FIGN: variants seen among roughly 807,000 people sequenced by gnomAD.
FIGN encodes fidgetin.
FIGN carries 11 observed loss-of-function variants against 51.3 expected under a neutral mutation model. The observed-to-expected ratio is 0.21, with a 90% CI of 0.13 to 0.35. The LOEUF (loss-of-function observed/expected upper bound fraction) is 0.35, where lower values mean the gene tolerates loss of function less well. Ranked by LOEUF, FIGN falls within the 10% of genes least tolerant of loss-of-function variation. FIGN has a pLI of 1.00. For missense variants in FIGN, 857 were observed against 943.6 expected (o/e 0.91, Z 1.20); for synonymous variants, 407 against 363.2 (o/e 1.12, Z -1.37).
At chr2:163,681,362 C>A (rs972564306) in intron 2 of FIGN, among the ~76,000 whole-genome samples, 1 of 152,226 alleles carries the variant, frequency 6.6e-6, no homozygotes, top group South Asian at 2.1e-4. Flanking sequence ...AATGACACCA[C>A]AACTTTTCTC....
rs1691112293 is a variant in FIGN at position 163,606,375 on chromosome 2, C to T, written c.*3177G>A. ...GTGGTTTCCTTCACTTCCTTTTTGTCCCTGTTGGAAATGTTGCTGCAGTTG... is the reference window on the plus strand; with the variant it reads ...GTGGTTTCCTTCACTTCCTTTTTGTTCCTGTTGGAAATGTTGCTGCAGTTG... On this transcript the variant is annotated 3_prime_UTR_variant, in exon 3 of 3. Coordinates refer to ENST00000333129, the MANE Select transcript of FIGN (RefSeq NM_018086.4). 6.6e-6 allele frequency: 1 copy of T among 151,998 alleles called. No individual in the cohort carries two copies. The highest frequency in any genetic ancestry group is 6.6e-5 in the Admixed American group (1 of 15,230). 9.4% of individuals were successfully genotyped at this position (151,998 alleles called of 1,614,324 possible). A position where few individuals can be genotyped will look rare whatever the true frequency, so the allele number is the denominator to read the frequency against.
rs1316289598 is a variant in FIGN, at chr2:163,691,115, C to T, written c.25+43788G>A. 2.6e-5 allele frequency among the ~76,000 whole-genome samples: 4 copies of T among 152,026 alleles called. No homozygotes were observed. In the South Asian group the frequency reaches 6.2e-4, roughly 24 times the overall value. ...AAGGAAATGGACCGTTGGCCACTGA[C>T]CACAGAATTAAGAACACTGTGCACT... is the stretch of plus-strand genomic sequence containing the variant. On this transcript the variant is annotated intron_variant, in intron 2 of 2. Coordinates refer to ENST00000333129, the MANE Select transcript of FIGN (RefSeq NM_018086.4).
intron 2 of FIGN, among the ~76,000 whole-genome samples, chr2:163,711,414 C>T (rs1469995672): frequency 6.6e-6 from 1 of 152,044 alleles, no homozygotes; most frequent in African/African-American, 2.4e-5. Context: ...AAATGACTGC[C>T]TTTTGTGCAG....
At chr2:163,712,662 C>A (rs1304038722) in intron 2 of FIGN, among the ~76,000 whole-genome samples, 2 of 151,560 alleles carry the variant, frequency 1.3e-5, no homozygotes, top group African/African-American at 4.9e-5. Flanking sequence ...TTTTTTAAGG[C>A]AAAATAAAAC....
At chr2:163,645,673 AG>A (rs1350652637) in intron 2 of FIGN, among the ~76,000 whole-genome samples, 4 of 152,200 alleles carry the variant, frequency 2.6e-5, no homozygotes, top group Non-Finnish European at 5.9e-5. Flanking sequence ...AAGGGCTTAA[AG>A]AATGATCAAT....
chr2:163,681,646 A>G (rs1036644568), intron 2 of FIGN, among the ~76,000 whole-genome samples: 1 of 152,224 alleles, frequency 6.6e-6, no homozygotes, highest in Non-Finnish European at 1.5e-5. Context: ...GATGAAGGGC[A>G]AATATGTTTT....
At position 163,611,419 on chromosome 2, in the gene FIGN, G is replaced by T. The variant is rs1461625173; in HGVS notation, c.413C>A (p.Ala138Asp). Reference protein sequence around the residue: ...ITASKAGVSSALPPADVSASI... With the variant: ...ITASKAGVSSDLPPADVSASI... ...CGCAGAGACATCTGCTGGAGGGAGG[G>T]CTGAACTGACTCCAGCTTTGCTGGC... Residue 138 changes from alanine (A) to aspartate (D), a missense_variant, in exon 3 of 3, where the codon GCC becomes GAC. Around this residue, in one of 3 missense-constraint regions of FIGN, gnomAD observed 799 missense variants for 849.5 expected, o/e 0.94. Coordinates refer to ENST00000333129, the MANE Select transcript of FIGN (RefSeq NM_018086.4). 1.2e-6 allele frequency: 2 copies of T among 1,614,154 alleles called. No individual in the cohort carries two copies. Among genetic ancestry groups the T allele is most frequent in the South Asian group, 1.1e-5 (1 of 91,080 alleles).
chr2:163,726,780 A>G (rs1006260553), intron 2 of FIGN, among the ~76,000 whole-genome samples: 4 of 152,100 alleles, frequency 2.6e-5, no homozygotes, highest in African/African-American at 9.7e-5. Context: ...TAGCAGTAAA[A>G]TTTATCAAAA....
chr2:163,717,278 T>C (rs1254917136), intron 2 of FIGN, among the ~76,000 whole-genome samples: 1 of 152,138 alleles, frequency 6.6e-6, no homozygotes, highest in East Asian at 1.9e-4. Flanking sequence ...AATGTGAATG[T>C]GTGTGGGGGT....
chr2:163,685,650 A>G (rs1255492082), intron 2 of FIGN, among the ~76,000 whole-genome samples: 1 of 152,206 alleles, frequency 6.6e-6, no homozygotes, highest in Non-Finnish European at 1.5e-5. Flanking sequence ...TTCTAGGTCA[A>G]TATTAACGAT....
chr2:163,666,984 T>C (rs1683789809), intron 2 of FIGN, among the ~76,000 whole-genome samples: 2 of 152,076 alleles, frequency 1.3e-5, no homozygotes, highest in African/African-American at 4.8e-5. Context: ...TATAAAAATG[T>C]ACAAAATATA....
In FIGN at chr2:163,611,870, T is replaced by C. The variant is rs1691270119; in HGVS notation, c.26-64A>G. 4 of 1,388,124 alleles carry C rather than the reference T, an allele frequency of 2.9e-6. No homozygotes were observed. In the Admixed American group the frequency reaches 7.5e-5, roughly 26 times the overall value. 86.0% of individuals were successfully genotyped at this position (1,388,124 alleles called of 1,614,324 possible). ...TAGGCATCAGAACTCTTAAAGCTTT[T>C]CCCCCAATTTCTTTTGTTACCTATT... On this transcript the variant is annotated intron_variant, in intron 2 of 2. Transcript: ENST00000333129.
At chr2:163,634,787 T>C (rs1266656130) in intron 2 of FIGN, among the ~76,000 whole-genome samples, 1 of 152,236 alleles carries the variant, frequency 6.6e-6, no homozygotes, top group Non-Finnish European at 1.5e-5. Context: ...AACTCTCTTA[T>C]AATAAATCGC....
At chr2:163,634,485 T>C (rs979280317) in intron 2 of FIGN, among the ~76,000 whole-genome samples, 1 of 152,190 alleles carries the variant, frequency 6.6e-6, no homozygotes, top group African/African-American at 2.4e-5. Context: ...TCCTGGGCCA[T>C]CTACACCACA....
intron 2 of FIGN, among the ~76,000 whole-genome samples, chr2:163,631,043 C>T (rs928480453): frequency 2.0e-4 from 30 of 152,070 alleles, no homozygotes; most frequent in African/African-American, 5.8e-4. Flanking sequence ...TTTGAGTTTA[C>T]GAGTTGAGCT....
chr2:163,659,083 T>G (rs1683610071), intron 2 of FIGN, among the ~76,000 whole-genome samples: 2 of 152,068 alleles, frequency 1.3e-5, no homozygotes, highest in African/African-American at 4.8e-5. Flanking sequence ...CTTTTCTTAC[T>G]AAATGGTCAG....
intron 2 of FIGN, among the ~76,000 whole-genome samples, chr2:163,669,979 T>C (rs796476999): frequency 4.6e-5 from 7 of 152,302 alleles, no homozygotes; most frequent in African/African-American, 1.4e-4. Context: ...GACCAAAAGA[T>C]ATTTAAACAT....
In FIGN at chr2:163,621,734, T is replaced by C. The variant is rs145795055; in HGVS notation, c.26-9928A>G. 7.6e-3 allele frequency among the ~76,000 whole-genome samples: 1,156 copies of C among 152,262 alleles called. 8 individuals carry two copies. The highest frequency in any genetic ancestry group is 0.013 in the Non-Finnish European group (889 of 68,026). ...TAGACTGAACATTGTTAAGGTGCAG[T>C]GTGAACGACGGTCCAGTCATTAGCG... is the stretch of plus-strand genomic sequence containing the variant. On this transcript the variant is annotated intron_variant, in intron 2 of 2. Transcript: ENST00000333129.
chr2:163,660,261 C>T (rs1573932437), intron 2 of FIGN, among the ~76,000 whole-genome samples: 1 of 152,112 alleles, frequency 6.6e-6, no homozygotes, highest in Admixed American at 6.6e-5. Flanking sequence ...TATTATTCTG[C>T]AAACTTTCAT....
Sources: gnomAD v4.1 joint callset for allele counts (sites outside exome capture counted in the v4.1 genomes callset) on GRCh38, gnomAD v4.1.1 for gene constraint, gnomAD v4.1.1 regional missense constraint, MANE v1.5 for transcripts, NCBI Gene and HGNC (gene_info 2026-07-23, HGNC 2026-07-21) for gene names.